The following MICAL2 variants were observed in gnomAD, a reference collection of about 807,000 sequenced individuals.
MICAL2 encodes [F-actin]-monooxygenase MICAL2.
In MICAL2, 77 loss-of-function variants were observed where a neutral mutation model predicts 127.3. The observed-to-expected ratio is 0.60, with a 90% CI of 0.50 to 0.73. MICAL2 has a LOEUF of 0.73. Among genes scored for constraint, MICAL2 ranks in the 30% least tolerant of loss-of-function variants. MICAL2 has a pLI of 0.00. For missense variants in MICAL2, 1,351 were observed against 1,434.4 expected (o/e 0.94, Z 0.94); for synonymous variants, 570 against 551.1 (o/e 1.03, Z -0.48).
chr11:12,192,984 T>C (rs1402698988), intron 3 of MICAL2, among the ~76,000 whole-genome samples: 3 of 152,170 alleles, frequency 2.0e-5, no homozygotes, highest in Non-Finnish European at 2.9e-5. Flanking sequence ...ACGTCAGAGG[T>C]AATAAGCTGC....
intron 3 of MICAL2, among the ~76,000 whole-genome samples, chr11:12,187,394 G>T (rs1858442518): frequency 6.6e-6 from 1 of 152,182 alleles, no homozygotes. Context: ...GTTTCTAGGG[G>T]TGTGGTCCTG....
intron 1 of MICAL2, among the ~76,000 whole-genome samples, chr11:12,129,278 G>A (rs1851205202): frequency 1.3e-5 from 2 of 152,142 alleles, no homozygotes; most frequent in African/African-American, 4.8e-5. Flanking sequence ...TCAGGATTTG[G>A]AAAATGTCTG....
chr11:12,239,605 C>A lies in MICAL2; in HGVS notation c.2214+20C>A. On this transcript the variant is annotated intron_variant, in intron 17 of 27. Coordinates refer to ENST00000683283, the MANE Select transcript of MICAL2 (RefSeq NM_001282663.2). The stretch of plus-strand genomic sequence containing the variant: ...AAGCAGGTGAGTCATGTCAAATACT[C>A]ACTGGACCTAACTTCCTGGTGACTT... 1 of 1,609,076 alleles carries A rather than the reference C, an allele frequency of 6.2e-7. No homozygotes were observed. The highest frequency in any genetic ancestry group is 1.1e-5 in the South Asian group (1 of 90,272).
At chr11:12,167,205 A>G (rs577381907) in intron 3 of MICAL2, among the ~76,000 whole-genome samples, 1 of 151,850 alleles carries the variant, frequency 6.6e-6, no homozygotes, top group South Asian at 2.1e-4. Context: ...TTGCCATAAA[A>G]ACTCGCAGGA....
intron 15 of MICAL2, among the ~76,000 whole-genome samples, chr11:12,229,781 T>C (rs1452505062): frequency 6.6e-6 from 1 of 152,220 alleles, no homozygotes; most frequent in East Asian, 1.9e-4. Flanking sequence ...ATGCTTGTGG[T>C]AGAGGGCTCT....
chr11:12,236,842 T>C (rs7946040), intron 16 of MICAL2, among the ~76,000 whole-genome samples: 82,751 of 151,576 alleles, frequency 0.55, 24,577 homozygotes, highest in Middle Eastern at 0.8. Context: ...ACCTGAGATA[T>C]ACACGTCATT....
At chr11:12,161,822 C>T in intron 2 of MICAL2, 1 of 375,966 alleles carries the variant, frequency 2.7e-6, no homozygotes, top group South Asian at 2.7e-5. Flanking sequence ...CAGGGCATAG[C>T]CCTGTGCAAT....
chr11:12,202,496 A>G (rs1022956576), intron 3 of MICAL2, among the ~76,000 whole-genome samples: 1 of 152,216 alleles, frequency 6.6e-6, no homozygotes, highest in African/African-American at 2.4e-5. Flanking sequence ...CACAGAAAGC[A>G]CTTGAAACCG....
chr11:12,272,017 G>A (rs906432736), upstream of MICAL2, among the ~76,000 whole-genome samples: 7 of 152,190 alleles, frequency 4.6e-5, no homozygotes, highest in African/African-American at 1.7e-4. Context: ...GCTCTGAGAG[G>A]CCATCTGTCA....
intron 1 of MICAL2, among the ~76,000 whole-genome samples, chr11:12,128,873 A>C (rs1371425568): frequency 6.6e-6 from 1 of 152,236 alleles, no homozygotes; most frequent in African/African-American, 2.4e-5. Context: ...TAGGGTTGTT[A>C]TGAGAATATC....
chr11:12,216,352 C>G (rs373042975), intron 8 of MICAL2, 33 bp downstream of exon 8: 2 of 1,532,988 alleles, frequency 1.3e-6, no homozygotes, highest in Non-Finnish European at 1.8e-6. Flanking sequence ...TTCCCGACTT[C>G]GCGACCTGGG....
chr11:12,213,523 T>TATCA, intron 7 of MICAL2, 113 bp downstream of exon 7: 2 of 1,036,358 alleles, frequency 1.9e-6, no homozygotes, highest in Non-Finnish European at 2.8e-6. Flanking sequence ...GGACTCACTC[T>TATCA]GATAGAGTGG....
chr11:12,352,552 A>C (rs1349945273), intron 33 of MICAL2, among the ~76,000 whole-genome samples: 1 of 152,234 alleles, frequency 6.6e-6, no homozygotes, highest in Non-Finnish European at 1.5e-5. Flanking sequence ...AAACTTTGAC[A>C]TGTGAACTAG....
Position 12,243,989 on chromosome 11 carries a change from T to A in MICAL2, c.2661T>A (p.Asn887Lys), listed in dbSNP as rs1478914919. Residue 887 changes from asparagine to lysine, a missense_variant and splice_region_variant, in exon 21 of 28, where the codon AAT (asparagine) becomes AAA (lysine). Physicochemically the swap from Asn to Lys is moderately conservative, Grantham distance 94 (BLOSUM62 0). Coordinates refer to ENST00000683283, the MANE Select transcript of MICAL2 (RefSeq NM_001282663.2). ...SMFGHGDFPQ[N>K]KLLSKGLSHT... is the part of the protein sequence containing the mutation. The stretch of plus-strand genomic sequence containing the variant: ...TCTTCTATTTCTGTTCTGTGCAGAA[T>A]AAACTACTCTCTAAAGGCCTGTCTC... 4 of 1,613,932 alleles carry A rather than the reference T, an allele frequency of 2.5e-6. No homozygotes were observed. Among genetic ancestry groups the A allele is most frequent in the Admixed American group, 1.7e-5 (1 of 60,028 alleles).
chr11:12,195,123 G>A (rs1214900234), intron 3 of MICAL2, among the ~76,000 whole-genome samples: 3 of 152,088 alleles, frequency 2.0e-5, no homozygotes, highest in Non-Finnish European at 2.9e-5. Flanking sequence ...CAGGTGTGGT[G>A]GTGTGTATCT....
intron 2 of MICAL2, among the ~76,000 whole-genome samples, chr11:12,149,933 G>T (rs1327185400): frequency 6.6e-6 from 1 of 152,148 alleles, no homozygotes; most frequent in Non-Finnish European, 1.5e-5. Flanking sequence ...AAGTAGAGAG[G>T]GGTCTGCCCT....
intron 2 of MICAL2, among the ~76,000 whole-genome samples, chr11:12,141,900 A>G (rs574387387): frequency 4.9e-4 from 74 of 152,352 alleles, no homozygotes; most frequent in African/African-American, 1.7e-3. Flanking sequence ...AAGGCTAGGG[A>G]AGGTGGATTT....
intron 1 of MICAL2, among the ~76,000 whole-genome samples, chr11:12,136,171 G>A (rs1355944910): frequency 5.3e-5 from 8 of 152,038 alleles, no homozygotes; most frequent in African/African-American, 1.7e-4. Flanking sequence ...CAGAGACCTC[G>A]TGCTTCTTTG....
chr11:12,224,906 A>G (rs891222602), intron 13 of MICAL2, 86 bp downstream of exon 13: 35 of 1,459,620 alleles, frequency 2.4e-5, no homozygotes, highest in Non-Finnish European at 3.3e-5. Context: ...ACTTGGTTCA[A>G]TATTTCTCTT....
Sources: gnomAD v4.1 joint callset for allele counts (sites outside exome capture counted in the v4.1 genomes callset) on GRCh38, gnomAD v4.1.1 for gene constraint, MANE v1.5 for transcripts, NCBI Gene and HGNC (gene_info 2026-07-23, HGNC 2026-07-21) for gene names.